The following SYNPR variants were observed in gnomAD, a reference collection of about 807,000 sequenced individuals.
SYNPR encodes synaptoporin.
Under a neutral mutation model 32.9 loss-of-function variants are expected in SYNPR, and 23 were observed. The ratio of observed to expected loss-of-function variants is 0.70; its 90% confidence interval spans 0.50 to 0.99. The LOEUF (loss-of-function observed/expected upper bound fraction) is 0.99. Ranked by LOEUF, SYNPR falls within the 50% of genes least tolerant of loss-of-function variation. The probability of loss-of-function intolerance (pLI) is 0.00; values close to 1 mark genes in which losing one functional copy is unlikely to be tolerated. For synonymous variants in SYNPR, 146 were observed against 135.9 expected, an observed-to-expected ratio of 1.07 and a Z score of -0.52; for missense variants, 318 against 349.3, an observed-to-expected ratio of 0.91 and a Z score of 0.71.
At chr3:63,316,992 A>C (rs1287903816) in intron 2 of SYNPR, among the ~76,000 whole-genome samples, 1 of 152,008 alleles carries the variant, frequency 6.6e-6, no homozygotes, top group African/African-American at 2.4e-5. Flanking sequence ...TTTTTGACCC[A>C]GTGCTCATTC....
intron 2 of SYNPR, among the ~76,000 whole-genome samples, chr3:63,362,283 TTTG>T (rs1270024941): frequency 6.6e-6 from 1 of 152,150 alleles, no homozygotes; most frequent in Non-Finnish European, 1.5e-5. Context: ...TTTGGTGTGT[TTTG>T]TTGTTGTTGT....
chr3:63,333,029 A>T (rs1472265405), intron 2 of SYNPR, among the ~76,000 whole-genome samples: 1 of 152,140 alleles, frequency 6.6e-6, no homozygotes, highest in African/African-American at 2.4e-5. Context: ...AGGAGACAAA[A>T]ATCATCACTG....
chr3:63,351,935 G>T (rs1163363900), intron 2 of SYNPR, among the ~76,000 whole-genome samples: 3 of 152,306 alleles, frequency 2.0e-5, no homozygotes, highest in South Asian at 2.1e-4. Flanking sequence ...CATACAGTGA[G>T]AACTGCTAAG....
chr3:63,532,387 G>T (rs11130939), intron 3 of SYNPR, among the ~76,000 whole-genome samples: 33,362 of 152,034 alleles, frequency 0.22, 3,740 homozygotes, highest in East Asian at 0.32. Context: ...GCAATAATAA[G>T]TTTTTTAAGC....
At chr3:63,405,211 G>C (rs1204739508) in intron 2 of SYNPR, among the ~76,000 whole-genome samples, 1 of 152,140 alleles carries the variant, frequency 6.6e-6, no homozygotes, top group Non-Finnish European at 1.5e-5. Context: ...TCTCTCTGTA[G>C]CTGTCTATGG....
At chr3:63,487,833 A>G (rs1701184410) in intron 3 of SYNPR, among the ~76,000 whole-genome samples, 1 of 152,186 alleles carries the variant, frequency 6.6e-6, no homozygotes, top group Non-Finnish European at 1.5e-5. Context: ...TAGGAGACTG[A>G]GGCTTAGTCT....
intron 3 of SYNPR, among the ~76,000 whole-genome samples, chr3:63,540,237 T>G (rs538420781): frequency 2.0e-5 from 3 of 152,272 alleles, no homozygotes; most frequent in African/African-American, 7.2e-5. Flanking sequence ...ATTATCACCT[T>G]AATTATTAGG....
At chr3:63,514,438 A>G (rs570865528) in intron 3 of SYNPR, among the ~76,000 whole-genome samples, 170 of 152,322 alleles carry the variant, frequency 1.1e-3, no homozygotes, top group Non-Finnish European at 2.1e-3. Context: ...CTGCTGGATC[A>G]TAGCATAGAT....
intron 2 of SYNPR, chr3:63,443,567 C>G (rs1195739285): frequency 2.2e-6 from 3 of 1,348,194 alleles, no homozygotes; most frequent in Non-Finnish European, 2.0e-6. Context: ...ACTTTTCTTT[C>G]CAAGTATCAG....
intron 2 of SYNPR, among the ~76,000 whole-genome samples, chr3:63,358,183 C>T (rs2087609572): frequency 6.6e-6 from 1 of 152,202 alleles, no homozygotes; most frequent in African/African-American, 2.4e-5. Context: ...TGTGCTGTAA[C>T]AAATTACCAC....
intron 2 of SYNPR, among the ~76,000 whole-genome samples, chr3:63,396,096 C>G (rs1022106831): frequency 6.6e-6 from 1 of 152,196 alleles, no homozygotes; most frequent in Non-Finnish European, 1.5e-5. Context: ...AAAACAGCTA[C>G]GACGTGTTAT....
intron 2 of SYNPR, among the ~76,000 whole-genome samples, chr3:63,299,303 C>G (rs1197061506): frequency 6.6e-6 from 1 of 152,100 alleles, no homozygotes; most frequent in Non-Finnish European, 1.5e-5. Context: ...TTATTCCAGC[C>G]CTTTTTATAT....
At position 63,494,421 on chromosome 3, in the gene SYNPR, A is replaced by ATATATATATACACG. The variant is rs1204163261; in HGVS notation, c.209+13475_209+13476insCACGTATATATATA. ...TATATATATATATATATATATACGTATATATATATATACGTATATATATAT... is the reference window on the plus strand; with the variant it reads ...TATATATATATATATATATATACGTATATATATATACACGTATATATATATACGTATATATATAT... On this transcript the variant is annotated intron_variant, in intron 3 of 5. Transcript: ENST00000478300. Among the ~76,000 whole-genome samples the ATATATATATACACG allele has an allele frequency of 1.1e-3, 24 of 20,870 alleles. No individual in the cohort carries two copies. In the East Asian group the frequency reaches 0.013, roughly 12 times the overall value. 13.7% of individuals were successfully genotyped at this position (20,870 alleles called of 152,430 possible).
chr3:63,254,469 C>G (rs2086364826), intron 2 of SYNPR, among the ~76,000 whole-genome samples: 1 of 152,134 alleles, frequency 6.6e-6, no homozygotes, highest in Non-Finnish European at 1.5e-5. Context: ...ACATCATAAG[C>G]TGCTGCACTA....
intron 4 of SYNPR, among the ~76,000 whole-genome samples, chr3:63,595,860 G>GTT (rs1491338590): frequency 4.1e-5 from 2 of 48,786 alleles, no homozygotes; most frequent in East Asian, 5.5e-4. Context: ...TATATATATA[G>GTT]TTATATATAT....
chr3:63,295,434 C>G (rs183817365), intron 2 of SYNPR, among the ~76,000 whole-genome samples: 3 of 152,220 alleles, frequency 2.0e-5, no homozygotes, highest in Non-Finnish European at 4.4e-5. Flanking sequence ...GTCTGCTGAG[C>G]TTCAAAAAAA....
At chr3:63,343,918 A>G (rs1414113624) in intron 2 of SYNPR, among the ~76,000 whole-genome samples, 1 of 152,240 alleles carries the variant, frequency 6.6e-6, no homozygotes, top group Non-Finnish European at 1.5e-5. Flanking sequence ...CTCTGTGTCT[A>G]TGCCGGAAAC....
chr3:63,457,535 G>C (rs746982907), intron 2 of SYNPR, among the ~76,000 whole-genome samples: 4 of 152,042 alleles, frequency 2.6e-5, no homozygotes, highest in Non-Finnish European at 4.4e-5. Context: ...ATCAAAATAA[G>C]ATTGAAGAGA....
chr3:63,563,747 T>C (rs1421044400), intron 4 of SYNPR, among the ~76,000 whole-genome samples: 2 of 152,150 alleles, frequency 1.3e-5, no homozygotes, highest in African/African-American at 2.4e-5. Context: ...CATTAAATCA[T>C]TATAACTCTC....
Sources: allele counts gnomAD v4.1 joint callset (sites outside exome capture counted in the v4.1 genomes callset), GRCh38; gene constraint gnomAD v4.1.1; transcripts MANE v1.5; gene names NCBI Gene and HGNC (gene_info 2026-07-23, HGNC 2026-07-21).